The following SUGT1 variants were observed in gnomAD, a reference collection of about 807,000 sequenced individuals.
SUGT1 encodes SGT1 assembly cochaperone of MIS12 kinetochore complex.
SUGT1 carries 15 observed loss-of-function variants against 56.1 expected under a neutral mutation model. That is an observed-to-expected ratio of 0.27 (90% CI 0.18 to 0.41). The LOEUF (loss-of-function observed/expected upper bound fraction) is 0.41, where lower values mean the gene tolerates loss of function less well. Among genes scored for constraint, SUGT1 ranks in the 10% least tolerant of loss-of-function variants. SUGT1 has a pLI of 1.00. For missense variants in SUGT1, 347 were observed against 382.2 expected (o/e 0.91, Z 0.77); for synonymous variants, 123 against 128.6 (o/e 0.96, Z 0.30).
At chr13:52,671,125 C>T (rs373822783) in intron 10 of SUGT1, among the ~76,000 whole-genome samples, 1 of 151,408 alleles carries the variant, frequency 6.6e-6, no homozygotes, top group East Asian at 2.0e-4. Flanking sequence ...ATGATGCTTC[C>T]TTCTGCTTGT....
chr13:52,666,202 C>G (rs1594238342), intron 9 of SUGT1, among the ~76,000 whole-genome samples: 1 of 152,308 alleles, frequency 6.6e-6, no homozygotes. Context: ...TCTCCTGCCT[C>G]AGCCTCCTGA....
intron 10 of SUGT1, among the ~76,000 whole-genome samples, chr13:52,673,660 T>G (rs978386762): frequency 2.0e-5 from 3 of 152,218 alleles, no homozygotes; most frequent in Non-Finnish European, 4.4e-5. Flanking sequence ...GAACTTTTTA[T>G]AGACAGTATG....
intron 6 of SUGT1, 74 bp downstream of exon 6, chr13:52,662,776 A>G: frequency 2.7e-6 from 4 of 1,467,136 alleles, no homozygotes; most frequent in Non-Finnish European, 3.7e-6. Flanking sequence ...GGTTTAAACA[A>G]ATTTGTTTTT....
In SUGT1 at chr13:52,691,399, C is replaced by T. The variant is rs1566204989; in HGVS notation, c.*3564C>T. ...AATATTTTTTGGCTCTTCTTTCCCA[C>T]TTTACCTTTCTCTATTCCTTCCTCA... On this transcript the variant is annotated 3_prime_UTR_variant, in exon 13 of 13. Transcript: ENST00000310528. The T allele has an allele frequency of 6.6e-6, 1 of 152,190 alleles. No individual in the cohort carries two copies. Among genetic ancestry groups the T allele is most frequent in the African/African-American group, 2.4e-5 (1 of 41,442 alleles). 9.4% of individuals were successfully genotyped at this position (152,190 alleles called of 1,614,324 possible). A position where few individuals can be genotyped will look rare whatever the true frequency, so the allele number is the denominator to read the frequency against.
chr13:52,680,487 A>G lies in SUGT1; in HGVS notation c.900+332A>G, dbSNP rs550092146. ...CTCATATGTAGCCTCAGTGTTAGAG[A>G]TGAAGAATATAGATACGAAACTTTT... On this transcript the variant is annotated intron_variant, in intron 12 of 12. Coordinates refer to ENST00000310528, the MANE Select transcript of SUGT1 (RefSeq NM_006704.5). Among the ~76,000 whole-genome samples the G allele has an allele frequency of 5.3e-5, 8 of 152,278 alleles. No homozygotes were observed. In the South Asian group the frequency reaches 1.5e-3, roughly 28 times the overall value.
At position 52,697,354 on chromosome 13, in the gene SUGT1, A is replaced by G. The variant is rs1353754320; in HGVS notation, c.*9519A>G. On this transcript the variant is annotated 3_prime_UTR_variant, in exon 13 of 13. Coordinates refer to ENST00000310528, the MANE Select transcript of SUGT1 (RefSeq NM_006704.5). ...GTTTTAATTGAACGGACTGAAGTTTACTTTCTAACTAGGTTAGCCCTCCAT... is the reference window on the plus strand; with the variant it reads ...GTTTTAATTGAACGGACTGAAGTTTGCTTTCTAACTAGGTTAGCCCTCCAT... 1 of 152,250 alleles carries G rather than the reference A, an allele frequency of 6.6e-6. No individual in the cohort carries two copies. Among genetic ancestry groups the G allele is most frequent in the Non-Finnish European group, 1.5e-5 (1 of 68,094 alleles). 9.4% of individuals were successfully genotyped at this position (152,250 alleles called of 1,614,324 possible).
chr13:52,687,646 G>T, intron 12 of SUGT1, 88 bp from the exon 13 acceptor site: 1 of 923,192 alleles, frequency 1.1e-6, no homozygotes, highest in East Asian at 2.7e-5. Context: ...GCCAATATTT[G>T]GGGCTCTATG....
At chr13:52,666,583 C>A (rs895966245) in intron 9 of SUGT1, among the ~76,000 whole-genome samples, 1 of 151,970 alleles carries the variant, frequency 6.6e-6, no homozygotes, top group African/African-American at 2.4e-5. Context: ...GAAACTTATT[C>A]TTTTCTGCTG....
chr13:52,656,294 C>G (rs1962165654), intron 2 of SUGT1, among the ~76,000 whole-genome samples: 1 of 152,202 alleles, frequency 6.6e-6, no homozygotes, highest in Non-Finnish European at 1.5e-5. Context: ...TTTCTCTTAT[C>G]CCACATGTTC....
In SUGT1 at chr13:52,700,350, A is replaced by G. The variant is rs1202011581; in HGVS notation, c.*12515A>G. 2 of 152,168 alleles carry G rather than the reference A, an allele frequency of 1.3e-5. No individual in the cohort carries two copies. The highest frequency in any genetic ancestry group is 2.9e-5 in the Non-Finnish European group (2 of 68,008). The allele number at this position is 152,168 out of a possible 1,614,324, so 9.4% of individuals were successfully genotyped here. A position where few individuals can be genotyped will look rare whatever the true frequency, so the allele number is the denominator to read the frequency against. ...TATACCTGCATAAAAGTATTTATGT[A>G]TAGATGTACTTACCTTACACAGTAA... On this transcript the variant is annotated 3_prime_UTR_variant, in exon 13 of 13. Transcript: ENST00000310528.
chr13:52,658,210 G>A, intron 3 of SUGT1, 189 bp from the exon 4 acceptor site: 1 of 1,507,684 alleles, frequency 6.6e-7, no homozygotes, highest in Non-Finnish European at 8.9e-7. Flanking sequence ...GAAGCTAAAT[G>A]TTAAGCCAAA....
intron 5 of SUGT1, among the ~76,000 whole-genome samples, chr13:52,662,335 T>C (rs1490778136): frequency 6.6e-6 from 1 of 152,170 alleles, no homozygotes; most frequent in Non-Finnish European, 1.5e-5. Flanking sequence ...TTTTGTTCTG[T>C]GTGTGAGGAA....
In SUGT1 at chr13:52,695,272, G is replaced by A. The variant is rs1164975588; in HGVS notation, c.*7437G>A. The A allele has an allele frequency of 2.0e-5, 3 of 151,762 alleles. No homozygotes were observed. The highest frequency in any genetic ancestry group is 6.6e-5 in the Admixed American group (1 of 15,220). The allele number at this position is 151,762 out of a possible 1,614,324, so 9.4% of individuals were successfully genotyped here. A position where few individuals can be genotyped will look rare whatever the true frequency, so the allele number is the denominator to read the frequency against. On this transcript the variant is annotated 3_prime_UTR_variant, in exon 13 of 13. Transcript: ENST00000310528. ...AATTGAGTGCATTTCCTTTATTATT[G>A]TTATTATTTTGCTATTTCAAAACAA...
chr13:52,700,261 G>A lies in SUGT1; in HGVS notation c.*12426G>A, dbSNP rs772018349. On this transcript the variant is annotated 3_prime_UTR_variant, in exon 13 of 13. Transcript: ENST00000310528. ...TATTTGACTTTAAAACTATAAAGAT[G>A]TAAAAAAGGTTCACTAAGCCAAACA... The A allele has an allele frequency of 1.3e-5, 2 of 152,102 alleles. No homozygotes were observed. The highest frequency in any genetic ancestry group is 2.9e-5 in the Non-Finnish European group (2 of 67,996). 9.4% of individuals were successfully genotyped at this position (152,102 alleles called of 1,614,324 possible). A position where few individuals can be genotyped will look rare whatever the true frequency, so the allele number is the denominator to read the frequency against.
chr13:52,678,465 G>A (rs1363237251), intron 11 of SUGT1, among the ~76,000 whole-genome samples: 1 of 152,134 alleles, frequency 6.6e-6, no homozygotes, highest in Non-Finnish European at 1.5e-5. Context: ...TAGTACTAAT[G>A]TGTCCTAATA....
rs1484264849 is a variant in SUGT1, at chr13:52,693,357, A to G, written c.*5522A>G. The stretch of plus-strand genomic sequence containing the variant: ...GTTAGGAAAATGGTCCTTAATACCT[A>G]TATAGGGTTTTTTAAAAAACTGTAC... On this transcript the variant is annotated 3_prime_UTR_variant, in exon 13 of 13. Coordinates refer to ENST00000310528, the MANE Select transcript of SUGT1 (RefSeq NM_006704.5). The G allele has an allele frequency of 6.6e-6, 1 of 152,234 alleles. No individual in the cohort carries two copies. The highest frequency in any genetic ancestry group is 6.5e-5 in the Admixed American group (1 of 15,288). 9.4% of individuals were successfully genotyped at this position (152,234 alleles called of 1,614,324 possible).
intron 12 of SUGT1, among the ~76,000 whole-genome samples, chr13:52,683,822 T>C (rs1216760006): frequency 1.3e-5 from 2 of 152,200 alleles, no homozygotes; most frequent in African/African-American, 4.8e-5. Context: ...GGTTTGTTTC[T>C]GATAAATTTA....
In SUGT1 at chr13:52,672,751, A is replaced by T. The variant is rs1594244786; in HGVS notation, c.628-3479A>T. ...AGTCTGTAATAGTAGGTGGGATCTT[A>T]CTTACCACTTAAGATGGTGGTGTCT... is the stretch of plus-strand genomic sequence containing the variant. On this transcript the variant is annotated intron_variant, in intron 10 of 12. Coordinates refer to ENST00000310528, the MANE Select transcript of SUGT1 (RefSeq NM_006704.5). Among the ~76,000 whole-genome samples the T allele has an allele frequency of 1.3e-5, 2 of 152,346 alleles. 1 individual carries two copies. Among genetic ancestry groups the T allele is most frequent in the South Asian group, 4.1e-4 (2 of 4,832 alleles).
At position 52,699,420 on chromosome 13, in the gene SUGT1, A is replaced by G. The variant is rs2138202856; in HGVS notation, c.*11585A>G. Reference sequence around the variant, plus strand: ...AATTAATAATGGGGTACCATTTAGCAACTGGAATATTCTCCGATGATGCCT... The same window carrying G: ...AATTAATAATGGGGTACCATTTAGCGACTGGAATATTCTCCGATGATGCCT... On this transcript the variant is annotated 3_prime_UTR_variant, in exon 13 of 13. Coordinates refer to ENST00000310528, the MANE Select transcript of SUGT1 (RefSeq NM_006704.5). 6.6e-6 allele frequency: 1 copy of G among 152,320 alleles called. No homozygotes were observed. Among genetic ancestry groups the G allele is most frequent in the South Asian group, 2.1e-4 (1 of 4,830 alleles). 9.4% of individuals were successfully genotyped at this position (152,320 alleles called of 1,614,324 possible). A position where few individuals can be genotyped will look rare whatever the true frequency, so the allele number is the denominator to read the frequency against.
Sources: allele counts gnomAD v4.1 joint callset (sites outside exome capture counted in the v4.1 genomes callset), GRCh38; gene constraint gnomAD v4.1.1; transcripts MANE v1.5; gene names NCBI Gene and HGNC (gene_info 2026-07-23, HGNC 2026-07-21).